SETD5: variants seen among roughly 807,000 people sequenced by gnomAD.
SETD5 encodes the protein histone-lysine N-methyltransferase SETD5.
In SETD5, 44 loss-of-function variants were observed where a neutral mutation model predicts 153.3. That is an observed-to-expected ratio of 0.29 (90% CI 0.23 to 0.37). SETD5 has a LOEUF of 0.37. SETD5 is among the 10% of genes least tolerant of loss of function. The pLI is 1.00. For missense variants in SETD5, 1,544 were observed against 1,768.0 expected (o/e 0.87, Z 2.27); for synonymous variants, 716 against 645.2 (o/e 1.11, Z -1.66).
chr3:9,441,543 A>T, intron 8 of SETD5, 50 bp from the exon 9 acceptor site: 2 of 1,566,694 alleles, frequency 1.3e-6, no homozygotes, highest in South Asian at 2.2e-5. Flanking sequence ...TTGAGTGTCT[A>T]CTAAGGTGTT....
chr3:9,438,504 C>G (rs571444013), intron 7 of SETD5, among the ~76,000 whole-genome samples: 127 of 152,124 alleles, frequency 8.3e-4, no homozygotes, highest in African/African-American at 2.8e-3. Flanking sequence ...GGTTGACAGC[C>G]TCACAGGTGT....
chr3:9,437,281 C>T (rs887623784), intron 7 of SETD5, among the ~76,000 whole-genome samples: 1 of 152,014 alleles, frequency 6.6e-6, no homozygotes, highest in African/African-American at 2.4e-5. Context: ...TTGCAGGACG[C>T]TTGTATTATT....
At chr3:9,402,185 T>G (rs904822605) in intron 1 of SETD5, among the ~76,000 whole-genome samples, 3 of 152,170 alleles carry the variant, frequency 2.0e-5, no homozygotes, top group African/African-American at 4.8e-5. Context: ...ATGAATTGCG[T>G]AAAAGATACC....
intron 7 of SETD5, among the ~76,000 whole-genome samples, chr3:9,436,141 G>A (rs565762959): frequency 1.3e-5 from 2 of 152,128 alleles, no homozygotes; most frequent in Non-Finnish European, 2.9e-5. Context: ...CCCATCCCAG[G>A]TATGAAATTC....
chr3:9,418,433 T>C (rs1052852197), intron 1 of SETD5, among the ~76,000 whole-genome samples: 1 of 152,244 alleles, frequency 6.6e-6, no homozygotes, highest in Non-Finnish European at 1.5e-5. Context: ...TGGTTCTGAA[T>C]ATTGCTTCAG....
At chr3:9,433,645 A>T in intron 3 of SETD5, 200 bp from the exon 4 acceptor site, 1 of 887,334 alleles carries the variant, frequency 1.1e-6, no homozygotes, top group Non-Finnish European at 1.6e-6. Flanking sequence ...TTCATGTTAC[A>T]CACAAATCCA....
chr3:9,399,751 G>T (rs1238460246), intron 1 of SETD5, among the ~76,000 whole-genome samples: 1 of 151,564 alleles, frequency 6.6e-6, no homozygotes, highest in Non-Finnish European at 1.5e-5. Context: ...AAAAGGCCTT[G>T]GTTTAAAAGG....
At chr3:9,431,524 C>CT (rs1418214931) in intron 3 of SETD5, 3 of 979,900 alleles carry the variant, frequency 3.1e-6, no homozygotes, top group East Asian at 1.1e-4. Flanking sequence ...CTGTAAGTGT[C>CT]TAACTGTGTA....
At position 9,446,306 on chromosome 3, in the gene SETD5, A is replaced by AAAAAAAAC. The variant is rs1553624517; in HGVS notation, c.1524+568_1524+569insAAAAACAA. Among the ~76,000 whole-genome samples the AAAAAAAAC allele has an allele frequency of 5.8e-5, 7 of 120,196 alleles. 2 individuals are homozygous for AAAAAAAAC. Among genetic ancestry groups the AAAAAAAAC allele is most frequent in the Non-Finnish European group, 8.2e-5 (5 of 61,314 alleles). 78.9% of individuals were successfully genotyped at this position (120,196 alleles called of 152,430 possible). A position where few individuals can be genotyped will look rare whatever the true frequency, so the allele number is the denominator to read the frequency against. On this transcript the variant is annotated intron_variant, in intron 13 of 22. Transcript: ENST00000402198. ...CATCTCAAAAAAAAAAAAAAAAAAA[A>AAAAAAAAC]AATCTGGTTTCCGAAAAACTGGCTG...
intron 7 of SETD5, among the ~76,000 whole-genome samples, 166 bp downstream of exon 7, chr3:9,436,072 A>G (rs2040529145): frequency 6.6e-6 from 1 of 151,690 alleles, no homozygotes; most frequent in South Asian, 2.1e-4. Context: ...ATGTAGACCA[A>G]CCTCTCTTCT....
chr3:9,470,936 G>A lies in SETD5; in HGVS notation c.3195+7G>A, dbSNP rs760543090. The A allele has an allele frequency of 6.7e-7, 1 of 1,487,182 alleles. No homozygotes were observed. Among genetic ancestry groups the A allele is most frequent in the Non-Finnish European group, 9.1e-7 (1 of 1,093,372 alleles). The allele number at this position is 1,487,182 out of a possible 1,614,324, so 92.1% of individuals were successfully genotyped here. On this transcript the variant is annotated splice_region_variant and intron_variant, in intron 19 of 22. Transcript: ENST00000402198. The stretch of plus-strand genomic sequence containing the variant: ...CCCACCACAGAGGAAAAAAGTAAGT[G>A]TTTCATGTTATATCGGCGAACTTTT...
At chr3:9,432,295 C>T (rs916970304) in intron 3 of SETD5, 4 of 984,994 alleles carry the variant, frequency 4.1e-6, no homozygotes, top group South Asian at 9.4e-5. Context: ...TAATAAGATC[C>T]TTTCTCACAG....
chr3:9,466,055 G>C (rs1214147270), intron 18 of SETD5, among the ~76,000 whole-genome samples: 1 of 152,122 alleles, frequency 6.6e-6, no homozygotes, highest in African/African-American at 2.4e-5. Context: ...TTGGGAGGCT[G>C]AGGCAGGCGG....
chr3:9,418,070 A>G (rs527508235), intron 1 of SETD5, among the ~76,000 whole-genome samples: 1 of 150,242 alleles, frequency 6.7e-6, no homozygotes, highest in South Asian at 2.1e-4. Flanking sequence ...CCTCCCGAAT[A>G]GCTGGGACTA....
In SETD5 at chr3:9,464,517, C is replaced by T; in HGVS notation, c.2569C>T (p.Pro857Ser). 2 of 1,613,998 alleles carry T rather than the reference C, an allele frequency of 1.2e-6. No homozygotes were observed. The highest frequency in any genetic ancestry group is 1.3e-5 in the African/African-American group (1 of 75,052). The part of the protein sequence containing the change: ...LLRPLSPVTP[P>S]PPNSGSKSPQ... ...TCGGCCTCTGTCTCCAGTCACACCACCCCCTCCCAATTCAGGCTCAAAGAG... is the reference window on the plus strand; with the variant it reads ...TCGGCCTCTGTCTCCAGTCACACCATCCCCTCCCAATTCAGGCTCAAAGAG... The change falls in exon 18 of 23, where the codon CCC becomes TCC. Residue 857 changes from proline (P) to serine (S), a missense_variant. Coordinates refer to ENST00000402198, the MANE Select transcript of SETD5 (RefSeq NM_001080517.3).
intron 1 of SETD5, among the ~76,000 whole-genome samples, chr3:9,403,769 G>A (rs1261848465): frequency 6.6e-6 from 1 of 152,118 alleles, no homozygotes; most frequent in Non-Finnish European, 1.5e-5. Context: ...AGTTGGAAAA[G>A]ATCTGTTGGT....
At chr3:9,467,630 CATT>C (rs1053650320) in intron 18 of SETD5, among the ~76,000 whole-genome samples, 2 of 152,120 alleles carry the variant, frequency 1.3e-5, no homozygotes, top group African/African-American at 4.8e-5. Flanking sequence ...TCAGAGTCTA[CATT>C]AGGCACCCTC....
At chr3:9,399,610 G>A (rs1277092112) in intron 1 of SETD5, among the ~76,000 whole-genome samples, 1 of 152,132 alleles carries the variant, frequency 6.6e-6, no homozygotes, top group African/African-American at 2.4e-5. Context: ...GTTTCTAGCT[G>A]CAAATTTAAA....
At chr3:9,468,754 G>A (rs1244566018) in intron 18 of SETD5, among the ~76,000 whole-genome samples, 1 of 151,982 alleles carries the variant, frequency 6.6e-6, no homozygotes, top group Non-Finnish European at 1.5e-5. Flanking sequence ...ACACAGGACT[G>A]TCAATGTAGA....
Sources: allele counts gnomAD v4.1 joint callset (sites outside exome capture counted in the v4.1 genomes callset), GRCh38; gene constraint gnomAD v4.1.1; transcripts MANE v1.5; gene names NCBI Gene and HGNC (gene_info 2026-07-23, HGNC 2026-07-21).